AGBL1: variants seen among roughly 807,000 people sequenced by gnomAD.
AGBL1 encodes cytosolic carboxypeptidase 4.
AGBL1 carries 130 observed loss-of-function variants against 118.9 expected under a neutral mutation model. The ratio of observed to expected loss-of-function variants is 1.09; its 90% CI spans 0.95 to 1.26. The LOEUF is 1.26. AGBL1 is among the 50% of genes most tolerant of loss of function. AGBL1 has a pLI of 0.00. For synonymous variants in AGBL1, 555 were observed against 478.9 expected (o/e 1.16, Z -2.08); for missense variants, 1,584 against 1,298.1 (o/e 1.22, Z -3.38).
intron 22 of AGBL1, among the ~76,000 whole-genome samples, chr15:86,856,958 GCT>G (rs1169236852): frequency 1.3e-5 from 2 of 152,164 alleles, no homozygotes; most frequent in Non-Finnish European, 2.9e-5. Flanking sequence ...AGTCCCATGT[GCT>G]CTCTTCTGTG....
Position 86,656,755 on chromosome 15 carries a change from T to C in AGBL1, c.2995-17518T>C, listed in dbSNP as rs866886042. On this transcript the variant is annotated intron_variant, in intron 21 of 22. Transcript: ENST00000614907. ...ACCCCCTGAGCTCCCTTATCTTCCA[T>C]TGTTTACCTTCCATGGAAGAGGGTT... 5.3e-5 allele frequency among the ~76,000 whole-genome samples: 8 copies of C among 152,206 alleles called. No individual in the cohort carries two copies. The South Asian group carries it at 1.5e-3, about 28-fold the overall frequency.
intron 24 of AGBL1, among the ~76,000 whole-genome samples, chr15:87,011,456 C>G (rs16939667): frequency 2.6e-5 from 4 of 152,108 alleles, no homozygotes; most frequent in Admixed American, 2.6e-4. Flanking sequence ...TTTATGTATA[C>G]TTAGGAAGTG....
chr15:86,454,822 A>G lies in AGBL1; in HGVS notation c.2555+57276A>G, dbSNP rs553320186. 6.6e-5 allele frequency among the ~76,000 whole-genome samples: 10 copies of G among 152,292 alleles called. No homozygotes were observed. In the South Asian group the frequency reaches 1.9e-3, roughly 28 times the overall value. ...ACTGTGAGAGTGATTACAGAGATGTACCCGCTTGTGAAAATGCATCAAACT... is the reference window on the plus strand; with the variant it reads ...ACTGTGAGAGTGATTACAGAGATGTGCCCGCTTGTGAAAATGCATCAAACT... On this transcript the variant is annotated intron_variant, in intron 18 of 22. Transcript: ENST00000614907.
At chr15:86,487,023 G>T (rs551753848) in intron 18 of AGBL1, among the ~76,000 whole-genome samples, 10 of 151,962 alleles carry the variant, frequency 6.6e-5, no homozygotes, top group Non-Finnish European at 7.4e-5. Context: ...GGTGCCGCAC[G>T]CTCCTTGCTA....
intron 5 of AGBL1, among the ~76,000 whole-genome samples, chr15:86,177,066 A>T (rs1392298529): frequency 6.6e-6 from 1 of 152,182 alleles, no homozygotes; most frequent in Non-Finnish European, 1.5e-5. Context: ...ACACATTTTA[A>T]ATATAAAGAC....
intron 17 of AGBL1, among the ~76,000 whole-genome samples, chr15:86,393,647 T>A (rs772003923): frequency 2.0e-5 from 3 of 151,918 alleles, no homozygotes; most frequent in Non-Finnish European, 2.9e-5. Flanking sequence ...TAATTTCAGT[T>A]GTGCCTAGCT....
chr15:86,876,041 C>CT (rs1422897362), intron 22 of AGBL1, among the ~76,000 whole-genome samples: 1 of 152,178 alleles, frequency 6.6e-6, no homozygotes, highest in Non-Finnish European at 1.5e-5. Flanking sequence ...GTCATAAATG[C>CT]TGGGGTCCTT....
chr15:86,953,513 C>T (rs1406184626), intron 23 of AGBL1, among the ~76,000 whole-genome samples: 2 of 151,844 alleles, frequency 1.3e-5, no homozygotes, highest in African/African-American at 4.8e-5. Flanking sequence ...ACCTCAGCCT[C>T]CCAAGTAGCC....
intron 22 of AGBL1, among the ~76,000 whole-genome samples, chr15:86,837,983 A>G (rs2141430209): frequency 6.6e-6 from 1 of 152,290 alleles, no homozygotes; most frequent in South Asian, 2.1e-4. Context: ...TTCATGATGA[A>G]TCGTTTCCTC....
At chr15:86,455,023 AT>A (rs2082242729) in intron 18 of AGBL1, among the ~76,000 whole-genome samples, 1 of 152,172 alleles carries the variant, frequency 6.6e-6, no homozygotes, top group Admixed American at 6.6e-5. Context: ...ACTGCTGACC[AT>A]TTACCCATCA....
At chr15:87,014,925 C>G (rs28698200) in intron 24 of AGBL1, among the ~76,000 whole-genome samples, 15,686 of 152,030 alleles carry the variant, frequency 0.1, 1,625 homozygotes, top group African/African-American at 0.27. Context: ...CATTGTTTCT[C>G]GGCGTCTCTC....
chr15:86,858,495 T>TGC (rs1276736987), intron 22 of AGBL1, among the ~76,000 whole-genome samples: 1 of 151,678 alleles, frequency 6.6e-6, no homozygotes, highest in Non-Finnish European at 1.5e-5. Flanking sequence ...TGTGTGTGTG[T>TGC]GTAAGGGAGC....
At chr15:86,950,442 A>G (rs1045176610) in intron 23 of AGBL1, among the ~76,000 whole-genome samples, 1 of 151,042 alleles carries the variant, frequency 6.6e-6, no homozygotes, top group African/African-American at 2.4e-5. Context: ...ATAATCATAG[A>G]TTTTACATAT....
At chr15:86,473,360 T>G (rs1479376655) in intron 18 of AGBL1, among the ~76,000 whole-genome samples, 1 of 152,160 alleles carries the variant, frequency 6.6e-6, no homozygotes, top group Non-Finnish European at 1.5e-5. Flanking sequence ...TTAGGAAAAT[T>G]TTTCTCTATT....
intron 16 of AGBL1, among the ~76,000 whole-genome samples, chr15:86,284,429 C>T (rs1259653401): frequency 6.6e-6 from 1 of 152,052 alleles, no homozygotes; most frequent in Non-Finnish European, 1.5e-5. Context: ...AGTTAAGTCC[C>T]TTTAACTTGG....
intron 21 of AGBL1, among the ~76,000 whole-genome samples, chr15:86,610,734 TACTTA>T (rs2084643882): frequency 6.6e-6 from 1 of 152,220 alleles, no homozygotes; most frequent in South Asian, 2.1e-4. Flanking sequence ...CCAAAATCAG[TACTTA>T]ACTTCGCTTC....
intron 17 of AGBL1, among the ~76,000 whole-genome samples, chr15:86,323,578 G>C (rs1036219743): frequency 6.6e-6 from 1 of 152,158 alleles, no homozygotes; most frequent in Non-Finnish European, 1.5e-5. Flanking sequence ...AGAGACAAGG[G>C]CATTGAAAGT....
intron 18 of AGBL1, among the ~76,000 whole-genome samples, chr15:86,439,686 C>G (rs993793994): frequency 5.3e-5 from 8 of 152,140 alleles, no homozygotes; most frequent in African/African-American, 1.9e-4. Context: ...AAACCATGAC[C>G]AGGCAGCAAC....
intron 22 of AGBL1, among the ~76,000 whole-genome samples, chr15:86,691,334 C>T (rs1000786949): frequency 6.6e-6 from 1 of 152,122 alleles, no homozygotes; most frequent in Admixed American, 6.6e-5. Context: ...TCCCTGGGTG[C>T]TATCTTCTCA....
Sources: gnomAD v4.1 joint callset for allele counts (sites outside exome capture counted in the v4.1 genomes callset) on GRCh38, gnomAD v4.1.1 for gene constraint, MANE v1.5 for transcripts, NCBI Gene and HGNC (gene_info 2026-07-23, HGNC 2026-07-21) for gene names.